Variants in ARHGAP39 observed in about 807,000 individuals in gnomAD.
ARHGAP39 encodes the protein rho GTPase-activating protein 39.
Under a neutral mutation model 106.9 loss-of-function variants are expected in ARHGAP39, and 44 were observed. The ratio of observed to expected loss-of-function variants is 0.41; its 90% CI spans 0.32 to 0.53. The LOEUF (loss-of-function observed/expected upper bound fraction) is 0.53, where lower values mean the gene tolerates loss of function less well. ARHGAP39 is among the 20% of genes least tolerant of loss of function. ARHGAP39 has a pLI of 0.21. For missense variants in ARHGAP39, 1,496 were observed against 1,577.3 expected, an observed-to-expected ratio of 0.95 and a Z score of 0.87; for synonymous variants, 768 against 693.2, an observed-to-expected ratio of 1.11 and a Z score of -1.69.
At chr8:144,605,735 G>A (rs1215140996) in intron 1 of ARHGAP39, 40 bp from the exon 2 acceptor site, 10 of 923,156 alleles carry the variant, frequency 1.1e-5, no homozygotes, top group African/African-American at 3.2e-5. Flanking sequence ...TATGGAAGAC[G>A]CCTCACCACA....
intron 1 of ARHGAP39, among the ~76,000 whole-genome samples, chr8:144,674,765 C>T (rs113108638): frequency 0.032 from 4,859 of 152,286 alleles, 230 homozygotes; most frequent in African/African-American, 0.11. Flanking sequence ...CTCCTGTGCT[C>T]GCTCGTCGGC....
Position 144,555,707 on chromosome 8 carries a change from T to C in ARHGAP39, c.513-64A>G, listed in dbSNP as rs1210598467. 2.1e-6 allele frequency: 3 copies of C among 1,416,046 alleles called. No homozygotes were observed. The African/African-American group carries it at 4.2e-5, about 20-fold the overall frequency. 87.7% of individuals were successfully genotyped at this position (1,416,046 alleles called of 1,614,324 possible). A position where few individuals can be genotyped will look rare whatever the true frequency, so the allele number is the denominator to read the frequency against. On this transcript the variant is annotated intron_variant, in intron 3 of 11. Coordinates refer to ENST00000377307, the MANE Select transcript of ARHGAP39 (RefSeq NM_025251.3). ...GCAATCGTTTACCATAACCAGCCAC[T>C]CCCTGACTTAAGAATGTGGCACTGC...
Position 144,547,504 on chromosome 8 carries a change from GGGGCT to G in ARHGAP39, c.1577_1581del (p.Gln526ProfsTer15). ...ACGGGGGCGAGGCTGGTCCCGCACG[GGGGCT>G]GTTCCTCGGCCAGGGGCTGCTCCAC... On this transcript the variant is annotated frameshift_variant, in exon 5 of 12. Transcript: ENST00000377307. LOFTEE classifies it high-confidence loss of function. This position sits in a 1 kb window ranked among gnomAD's most constrained non-coding sequence, Gnocchi z 5.2. The G allele has an allele frequency of 6.7e-7, 1 of 1,502,508 alleles. No homozygotes were observed. The highest frequency in any genetic ancestry group is 8.9e-7 in the Non-Finnish European group (1 of 1,129,794). The allele number at this position is 1,502,508 out of a possible 1,614,324, so 93.1% of individuals were successfully genotyped here. A position where few individuals can be genotyped will look rare whatever the true frequency, so the allele number is the denominator to read the frequency against.
rs371749298 is a variant in ARHGAP39 at position 144,547,343 on chromosome 8, G to A, written c.1743C>T (p.Asp581=). The change falls in exon 5 of 12, where the codon GAC becomes GAT. Residue 581 remains aspartate (D), a synonymous_variant. Coordinates refer to ENST00000377307, the MANE Select transcript of ARHGAP39 (RefSeq NM_025251.3). This position sits in a 1 kb window ranked among gnomAD's most constrained non-coding sequence, Gnocchi z 5.2. ...CGCCGTCGCTCTCGTAGCCAGAGCC[G>A]TCCTGCTGGGAGTCCCAGCTGCTCC... ...KQRSSWDSQQ[D]GSGYESDGAL... is the part of the protein sequence containing the mutation. The A allele has an allele frequency of 2.5e-6, 4 of 1,605,356 alleles. No individual in the cohort carries two copies. Among genetic ancestry groups the A allele is most frequent in the East Asian group, 2.2e-5 (1 of 44,804 alleles).
At chr8:144,605,739 C>T (rs1820266321) in intron 1 of ARHGAP39, 44 bp from the exon 2 acceptor site, 1 of 893,376 alleles carries the variant, frequency 1.1e-6, no homozygotes, top group African/African-American at 1.6e-5. Flanking sequence ...GAAGACGCCT[C>T]ACCACACCAA....
chr8:144,588,027 G>A (rs187620257), intron 2 of ARHGAP39, among the ~76,000 whole-genome samples: 125 of 152,320 alleles, frequency 8.2e-4, no homozygotes, highest in African/African-American at 2.4e-3. Flanking sequence ...TGCAGAGCTC[G>A]AGACACCGAG....
At chr8:144,613,189 T>A (rs1275214205) in intron 1 of ARHGAP39, among the ~76,000 whole-genome samples, 1 of 152,280 alleles carries the variant, frequency 6.6e-6, no homozygotes, top group Admixed American at 6.5e-5. Context: ...TCAAATATTT[T>A]ATTTCTGTAT....
chr8:144,538,263 C>G (rs1011034809), intron 6 of ARHGAP39, among the ~76,000 whole-genome samples: 1 of 152,254 alleles, frequency 6.6e-6, no homozygotes, highest in Non-Finnish European at 1.5e-5. Context: ...GAGGAGGGGG[C>G]TCCCCTCAGG....
At chr8:144,594,088 CAAA>C (rs149748913) in intron 2 of ARHGAP39, among the ~76,000 whole-genome samples, 6 of 56,876 alleles carry the variant, frequency 1.1e-4, no homozygotes, top group Admixed American at 1.8e-4. Flanking sequence ...GACTCCGTCT[CAAA>C]AAAAAAAAAA....
upstream of ARHGAP39, among the ~76,000 whole-genome samples, chr8:144,686,540 T>A (rs1370943255): frequency 6.6e-6 from 1 of 152,208 alleles, no homozygotes; most frequent in Non-Finnish European, 1.5e-5. Context: ...GGACATTCCC[T>A]GGGTCCTCAA....
At position 144,655,797 on chromosome 8, in the gene ARHGAP39, G is replaced by A. The variant is rs995078707; in HGVS notation, c.-82+29889C>T. 3.9e-5 allele frequency among the ~76,000 whole-genome samples: 6 copies of A among 152,112 alleles called. No homozygotes were observed. The East Asian group carries it at 5.8e-4, about 15-fold the overall frequency. ...CACCGAGGTTTCTGGCCAGAGAAGCGACACCCCAAAGACCCCGTAACACTA... is the reference window on the plus strand; with the variant it reads ...CACCGAGGTTTCTGGCCAGAGAAGCAACACCCCAAAGACCCCGTAACACTA... On this transcript the variant is annotated intron_variant, in intron 1 of 11. Transcript: ENST00000377307.
intron 1 of ARHGAP39, among the ~76,000 whole-genome samples, chr8:144,660,434 A>G (rs1821794300): frequency 6.6e-6 from 1 of 152,152 alleles, no homozygotes; most frequent in South Asian, 2.1e-4. Flanking sequence ...GGTGCCTCTA[A>G]AATAAAGGGA....
At chr8:144,561,303 T>C (rs112140301) in intron 3 of ARHGAP39, among the ~76,000 whole-genome samples, 18,438 of 120,144 alleles carry the variant, frequency 0.15, 3,061 homozygotes, top group African/African-American at 0.42. Flanking sequence ...TTCCATCACA[T>C]TCCAGTGGTT....
chr8:144,576,783 A>T (rs1244286686), intron 3 of ARHGAP39, among the ~76,000 whole-genome samples: 1 of 152,168 alleles, frequency 6.6e-6, no homozygotes, highest in Non-Finnish European at 1.5e-5. Context: ...AGTTATTTTT[A>T]AAATGTTAAC....
intron 1 of ARHGAP39, among the ~76,000 whole-genome samples, chr8:144,674,901 G>T (rs765096821): frequency 1.3e-5 from 2 of 152,222 alleles, no homozygotes; most frequent in Admixed American, 1.3e-4. Context: ...CAAAATTGAC[G>T]TGGGGACCAG....
rs1820220077 is a variant in ARHGAP39 at position 144,604,764 on chromosome 8, A to T, written c.80+771T>A. Among the ~76,000 whole-genome samples the T allele has an allele frequency of 6.6e-6, 1 of 152,154 alleles. No individual in the cohort carries two copies. Among genetic ancestry groups the T allele is most frequent in the South Asian group, 2.1e-4 (1 of 4,830 alleles). On this transcript the variant is annotated intron_variant, in intron 2 of 11. Transcript: ENST00000377307. This position sits in a 1 kb window ranked among gnomAD's most constrained non-coding sequence, Gnocchi z 4.1. Reference sequence around the variant, plus strand: ...ACTGGCTGAGACGGGACAGGGCCAGATTTACTTGTGGTAACAAGCGTCCTG... The same window carrying T: ...ACTGGCTGAGACGGGACAGGGCCAGTTTTACTTGTGGTAACAAGCGTCCTG...
rs1042774336 is a variant in ARHGAP39 at position 144,644,570 on chromosome 8, T to C, written c.-81-38875A>G. The stretch of plus-strand genomic sequence containing the variant: ...CCTCCATAATTGAAACACTGCCAAA[T>C]GCACGCCGGCTCGTGGCGGCACCCC... On this transcript the variant is annotated intron_variant, in intron 1 of 11. Transcript: ENST00000377307. This position sits in a 1 kb window ranked among gnomAD's most constrained non-coding sequence, Gnocchi z 4.8. Among the ~76,000 whole-genome samples, 4 of 152,220 alleles carry C rather than the reference T, an allele frequency of 2.6e-5. No individual in the cohort carries two copies. The highest frequency in any genetic ancestry group is 4.4e-5 in the Non-Finnish European group (3 of 68,038).
At position 144,530,688 on chromosome 8, in the gene ARHGAP39, G is replaced by A. The variant is rs200909578; in HGVS notation, c.3150+14C>T. 4.4e-6 allele frequency: 7 copies of A among 1,578,416 alleles called. No individual in the cohort carries two copies. The highest frequency in any genetic ancestry group is 1.8e-4 in the Middle Eastern group (1 of 5,532). ...GGAGGGGAAAGCAGCGGGGACCCCC[G>A]GGGAGGGAAGTACCTGCAGGAAGCG... On this transcript the variant is annotated intron_variant, in intron 11 of 11. Transcript: ENST00000377307.
rs757715119 is a variant in ARHGAP39, at chr8:144,530,633, G to A, written c.3151-17C>T. The A allele has an allele frequency of 5.7e-6, 9 of 1,569,408 alleles. No individual in the cohort carries two copies. The highest frequency in any genetic ancestry group is 7.8e-6 in the Non-Finnish European group (9 of 1,156,236). On this transcript the variant is annotated splice_polypyrimidine_tract_variant and intron_variant, in intron 11 of 11. Coordinates refer to ENST00000377307, the MANE Select transcript of ARHGAP39 (RefSeq NM_025251.3). Reference sequence around the variant, plus strand: ...CACGAAGACCTGGTGGAGGAGCGAGGGTGGGCGCGGAGGGGCGGGGGCGGG... The same window carrying A: ...CACGAAGACCTGGTGGAGGAGCGAGAGTGGGCGCGGAGGGGCGGGGGCGGG...
Sources: allele counts gnomAD v4.1 joint callset (sites outside exome capture counted in the v4.1 genomes callset), GRCh38; gene constraint gnomAD v4.1.1; non-coding constraint Gnocchi (gnomAD v3.1); transcripts MANE v1.5; gene names NCBI Gene and HGNC (gene_info 2026-07-23, HGNC 2026-07-21).